Variants in CRHR2 observed in about 807,000 individuals in gnomAD.
CRHR2 encodes corticotropin-releasing hormone receptor 2.
In CRHR2, 53 loss-of-function variants were observed where a neutral mutation model predicts 57.9. The observed-to-expected ratio is 0.92, with a 90% CI of 0.73 to 1.15. The LOEUF is 1.15. Ranked by LOEUF, CRHR2 falls within the 50% of genes most tolerant of loss-of-function variation. CRHR2 has a pLI of 0.00. For missense variants in CRHR2, 532 were observed against 542.6 expected, an observed-to-expected ratio of 0.98 and a Z score of 0.19; for synonymous variants, 213 against 220.9, an observed-to-expected ratio of 0.96 and a Z score of 0.32.
At chr7:30,661,153 G>A (rs1783983983) in intron 7 of CRHR2, among the ~76,000 whole-genome samples, 2 of 152,254 alleles carry the variant, frequency 1.3e-5, no homozygotes, top group South Asian at 4.1e-4. Flanking sequence ...TGCACCCAGT[G>A]AGGGGAGCTG....
At chr7:30,662,873 A>G (rs1350694419) in intron 5 of CRHR2, 26 bp from the exon 6 acceptor site, 1 of 1,611,260 alleles carries the variant, frequency 6.2e-7, no homozygotes, top group East Asian at 2.2e-5. Flanking sequence ...AGAGGCTGTC[A>G]GGAGGCAGCT....
upstream of CRHR2, among the ~76,000 whole-genome samples, chr7:30,684,506 A>G (rs2128149519): frequency 6.6e-6 from 1 of 152,322 alleles, no homozygotes; most frequent in South Asian, 2.1e-4. Context: ...TCTCATGCAG[A>G]TTTCTGCAGA....
At chr7:30,662,354 G>T in intron 6 of CRHR2, 138 bp from the exon 7 acceptor site, 2 of 988,866 alleles carry the variant, frequency 2.0e-6, no homozygotes, top group Non-Finnish European at 3.1e-6. Flanking sequence ...CCCCAGGGGT[G>T]CCCTGTCCCT....
chr7:30,677,061 C>T (rs1784541602), intron 2 of CRHR2, among the ~76,000 whole-genome samples: 1 of 152,098 alleles, frequency 6.6e-6, no homozygotes, highest in African/African-American at 2.4e-5. Context: ...GCAAGACCCT[C>T]CTTTGCAGCC....
At chr7:30,688,403 C>T (rs750313759) in intron 2 of CRHR2, among the ~76,000 whole-genome samples, 2 of 152,074 alleles carry the variant, frequency 1.3e-5, no homozygotes, top group African/African-American at 4.8e-5. Context: ...AGGGGCTGGG[C>T]GAGGCCGCTG....
chr7:30,667,594 C>T (rs1784227886), intron 2 of CRHR2, among the ~76,000 whole-genome samples: 2 of 152,204 alleles, frequency 1.3e-5, no homozygotes, highest in African/African-American at 2.4e-5. Flanking sequence ...AAACTGAATC[C>T]AACTGTGAGG....
chr7:30,655,428 G>T, intron 10 of CRHR2, 152 bp downstream of exon 10: 3 of 993,078 alleles, frequency 3.0e-6, no homozygotes, highest in African/African-American at 1.6e-5. Flanking sequence ...AACTGGCCAG[G>T]CTCAGGCTGA....
chr7:30,674,584 G>A (rs1204223550), intron 2 of CRHR2, among the ~76,000 whole-genome samples: 1 of 152,238 alleles, frequency 6.6e-6, no homozygotes, highest in East Asian at 1.9e-4. Context: ...TCAGTTCCTA[G>A]TTCCTATGAA....
intron 2 of CRHR2, among the ~76,000 whole-genome samples, chr7:30,688,203 T>C (rs997286568): frequency 9.9e-5 from 15 of 151,980 alleles, no homozygotes; most frequent in Admixed American, 6.5e-4. Flanking sequence ...TATGAAGACA[T>C]AGGGAGAAAG....
At chr7:30,671,587 C>T (rs1784353276) in intron 2 of CRHR2, among the ~76,000 whole-genome samples, 1 of 147,904 alleles carries the variant, frequency 6.8e-6, no homozygotes, top group African/African-American at 2.5e-5. Flanking sequence ...ATTGCTTGAG[C>T]CCAAGAGTTT....
upstream of CRHR2, chr7:30,686,341 G>A (rs893508514): frequency 2.0e-5 from 30 of 1,474,836 alleles, no homozygotes; most frequent in Non-Finnish European, 2.5e-5. Context: ...GCACCCATTG[G>A]AATGCTCTAG....
chr7:30,676,659 C>T (rs980463801), intron 2 of CRHR2, among the ~76,000 whole-genome samples: 1 of 152,250 alleles, frequency 6.6e-6, no homozygotes, highest in South Asian at 2.1e-4. Flanking sequence ...TGATAAGCAG[C>T]CTGGGGCTTC....
chr7:30,655,409 G>A (rs1372220191), intron 10 of CRHR2, among the ~76,000 whole-genome samples, 171 bp downstream of exon 10: 1 of 152,210 alleles, frequency 6.6e-6, no homozygotes, highest in Non-Finnish European at 1.5e-5. Flanking sequence ...CCCAGGCTGG[G>A]ATGGGGATAA....
intron 6 of CRHR2, among the ~76,000 whole-genome samples, chr7:30,662,444 T>G (rs1784041562): frequency 6.6e-6 from 1 of 152,178 alleles, no homozygotes; most frequent in African/African-American, 2.4e-5. Context: ...GCCAGCCAGT[T>G]TCTGAGCCAG....
rs117157639 is a variant in CRHR2 at position 30,688,084 on chromosome 7, C to G, written c.-167+1107G>C. 8.8e-3 allele frequency among the ~76,000 whole-genome samples: 1,333 copies of G among 152,316 alleles called. 13 individuals are homozygous for G. Among genetic ancestry groups the G allele is most frequent in the South Asian group, 0.019 (93 of 4,828 alleles). The stretch of plus-strand genomic sequence containing the variant: ...ATGTGGCCTTGTTTGGATTTAGGGT[C>G]TTCGATGAGGTGATTAAAGTAAAGT... On this transcript the variant is annotated intron_variant, in intron 2 of 13. Coordinates refer to the CRHR2 transcript ENST00000341843.
chr7:30,681,059 C>T (rs1053427725), intron 2 of CRHR2, among the ~76,000 whole-genome samples: 2 of 152,116 alleles, frequency 1.3e-5, no homozygotes, highest in Non-Finnish European at 2.9e-5. Flanking sequence ...ACCTGGCTCC[C>T]ATCCCATGTT....
chr7:30,671,802 GTGATGATGATGATGATGA>G (rs10577644), intron 2 of CRHR2, among the ~76,000 whole-genome samples: 23 of 143,972 alleles, frequency 1.6e-4, no homozygotes, highest in Non-Finnish European at 2.5e-4. Flanking sequence ...GTGAGACCCT[GTGATGATGATGATGATGA>G]TGATGATGAT....
At chr7:30,677,605 G>C (rs576205414) in intron 2 of CRHR2, among the ~76,000 whole-genome samples, 1 of 152,330 alleles carries the variant, frequency 6.6e-6, no homozygotes, top group African/African-American at 2.4e-5. Context: ...GAGCTAAAAT[G>C]CCAGATCCTT....
intron 2 of CRHR2, among the ~76,000 whole-genome samples, chr7:30,671,788 C>T (rs1315840908): frequency 6.6e-6 from 1 of 151,196 alleles, no homozygotes; most frequent in East Asian, 1.9e-4. Context: ...GCCTGGGTGA[C>T]AGAGTGAGAC....
Sources: allele counts gnomAD v4.1 joint callset (sites outside exome capture counted in the v4.1 genomes callset), GRCh38; gene constraint gnomAD v4.1.1; transcripts MANE v1.5; gene names NCBI Gene and HGNC (gene_info 2026-07-23, HGNC 2026-07-21).